FNIP2: variants seen among roughly 807,000 people sequenced by gnomAD.
The protein encoded by FNIP2 is folliculin interacting protein 2, also known as folliculin-interacting protein 2.
In FNIP2, 32 loss-of-function variants were observed where a neutral mutation model predicts 108.7. The ratio of observed to expected loss-of-function variants is 0.29; its 90% CI spans 0.22 to 0.40. The LOEUF is 0.40. FNIP2 is among the 10% of genes least tolerant of loss of function. The probability of loss-of-function intolerance (pLI) is 1.00; values close to 1 mark genes in which losing one functional copy is unlikely to be tolerated. For synonymous variants in FNIP2, 480 were observed against 496.7 expected (o/e 0.97, Z 0.45); for missense variants, 1,202 against 1,381.6 (o/e 0.87, Z 2.06).
In FNIP2 at chr4:158,906,922, A is replaced by G. The variant is rs1340979201; in HGVS notation, c.*2378A>G. ...CAAGAAAGGGACCCCACTTGCTCCC[A>G]TGCCCACCTCAAGAAAAAACATAAA... On this transcript the variant is annotated 3_prime_UTR_variant, in exon 17 of 17. Coordinates refer to ENST00000264433, the MANE Select transcript of FNIP2 (RefSeq NM_020840.3). 3.3e-5 allele frequency: 5 copies of G among 152,356 alleles called. No individual in the cohort carries two copies. Among genetic ancestry groups the G allele is most frequent in the African/African-American group, 1.2e-4 (5 of 41,586 alleles). The allele number at this position is 152,356 out of a possible 1,614,324, so 9.4% of individuals were successfully genotyped here.
chr4:158,890,970 TAAGA>T (rs1782244587), intron 14 of FNIP2, among the ~76,000 whole-genome samples: 1 of 152,156 alleles, frequency 6.6e-6, no homozygotes, highest in Admixed American at 6.6e-5. Context: ...GGGCCTTGTC[TAAGA>T]AAGATCATTC....
At chr4:158,870,576 A>G in intron 14 of FNIP2, 107 bp downstream of exon 14, 2 of 1,390,608 alleles carry the variant, frequency 1.4e-6, no homozygotes, top group South Asian at 2.8e-5. Flanking sequence ...GGGGTTGTTT[A>G]TGGAGATGTG....
chr4:158,867,804 C>A (rs1780668009), intron 12 of FNIP2, among the ~76,000 whole-genome samples: 1 of 152,214 alleles, frequency 6.6e-6, no homozygotes, highest in Non-Finnish European at 1.5e-5. Flanking sequence ...TTTGGGCCAT[C>A]TCATTGGCTG....
intron 10 of FNIP2, among the ~76,000 whole-genome samples, chr4:158,860,977 G>A (rs928453271): frequency 6.6e-6 from 1 of 152,116 alleles, no homozygotes; most frequent in Non-Finnish European, 1.5e-5. Context: ...CTACTTTAAT[G>A]AGGTGTCTAT....
Position 158,904,730 on chromosome 4 carries a change from T to C in FNIP2, c.*186T>C. The C allele has an allele frequency of 1.7e-6, 1 of 582,078 alleles. No individual in the cohort carries two copies. The highest frequency in any genetic ancestry group is 3.1e-6 in the Non-Finnish European group (1 of 327,168). 36.1% of individuals were successfully genotyped at this position (582,078 alleles called of 1,614,324 possible). A position where few individuals can be genotyped will look rare whatever the true frequency, so the allele number is the denominator to read the frequency against. ...ATTGAAGACTTAGGTTTACTTGACA[T>C]AATAGCATTTGTGATTGTCGTGAAC... On this transcript the variant is annotated 3_prime_UTR_variant, in exon 17 of 17. Transcript: ENST00000264433.
intron 3 of FNIP2, 37 bp from the exon 4 acceptor site, chr4:158,831,824 C>T (rs1778501084): frequency 7.5e-7 from 1 of 1,328,964 alleles, no homozygotes; most frequent in African/African-American, 1.4e-5. Flanking sequence ...ATGTCATGTT[C>T]CATGTACTAA....
chr4:158,876,966 T>C (rs1219046279), intron 14 of FNIP2, among the ~76,000 whole-genome samples: 1 of 152,180 alleles, frequency 6.6e-6, no homozygotes, highest in Non-Finnish European at 1.5e-5. Context: ...GTGTCAGAGT[T>C]AGACACATGT....
intron 1 of FNIP2, 28 bp downstream of exon 1, chr4:158,769,347 G>C: frequency 6.9e-7 from 1 of 1,448,980 alleles, no homozygotes. Context: ...GGCAATTCTG[G>C]CGCGGGACCC....
chr4:158,896,847 T>TA (rs1303071584), intron 16 of FNIP2, among the ~76,000 whole-genome samples: 3 of 151,796 alleles, frequency 2.0e-5, no homozygotes, highest in Non-Finnish European at 4.4e-5. Flanking sequence ...ATTAGTTTTT[T>TA]TTTTATTATT....
chr4:158,820,287 A>T (rs960870621), intron 1 of FNIP2, among the ~76,000 whole-genome samples: 3 of 152,218 alleles, frequency 2.0e-5, no homozygotes, highest in Non-Finnish European at 2.9e-5. Flanking sequence ...CTTTTTCCAC[A>T]TGGGGATACC....
intron 1 of FNIP2, among the ~76,000 whole-genome samples, chr4:158,791,174 A>G (rs1357253140): frequency 6.7e-6 from 1 of 150,196 alleles, no homozygotes; most frequent in East Asian, 2.0e-4. Context: ...ATTTTCAGGC[A>G]GTTTTGCTTC....
rs545210470 is a variant in FNIP2, at chr4:158,903,619, C to T, written c.3267-847C>T. On this transcript the variant is annotated intron_variant, in intron 16 of 16. Coordinates refer to ENST00000264433, the MANE Select transcript of FNIP2 (RefSeq NM_020840.3). Reference sequence around the variant, plus strand: ...CATCCTTCCTTTATCCCCTTCCTCCCGTAGTCAGGGCCAGTAGCACTAAAA... The same window carrying T: ...CATCCTTCCTTTATCCCCTTCCTCCTGTAGTCAGGGCCAGTAGCACTAAAA... Among the ~76,000 whole-genome samples the T allele has an allele frequency of 3.0e-4, 46 of 152,264 alleles. 2 individuals carry two copies. In the South Asian group the frequency reaches 8.3e-3, roughly 27 times the overall value.
rs199743144 is a variant in FNIP2, at chr4:158,823,786, C to T, written c.108-2130C>T. ...CAACTCCAGGGTTACCATTTACAAG[C>T]TGAACAACTGAGTTTTGGGGCTGGC... is the stretch of plus-strand genomic sequence containing the variant. On this transcript the variant is annotated intron_variant, in intron 1 of 16. Coordinates refer to ENST00000264433, the MANE Select transcript of FNIP2 (RefSeq NM_020840.3). 2.0e-5 allele frequency among the ~76,000 whole-genome samples: 3 copies of T among 152,304 alleles called. No homozygotes were observed. In the East Asian group the frequency reaches 5.8e-4, roughly 29 times the overall value.
intron 1 of FNIP2, among the ~76,000 whole-genome samples, chr4:158,779,309 C>T (rs1775957751): frequency 2.0e-5 from 3 of 151,956 alleles, no homozygotes; most frequent in Non-Finnish European, 2.9e-5. Flanking sequence ...AACAATTGTC[C>T]AGCAGCAGGG....
chr4:158,832,162 C>T, intron 5 of FNIP2, 24 bp downstream of exon 5: 1 of 1,578,966 alleles, frequency 6.3e-7, no homozygotes, highest in Non-Finnish European at 8.7e-7. Flanking sequence ...TTTGCATTCC[C>T]CACCCCCATT....
chr4:158,842,558 T>C (rs1450792902), intron 7 of FNIP2, among the ~76,000 whole-genome samples: 1 of 152,170 alleles, frequency 6.6e-6, no homozygotes, highest in African/African-American at 2.4e-5. Flanking sequence ...TAGAATAATT[T>C]GACATATAAA....
intron 1 of FNIP2, among the ~76,000 whole-genome samples, chr4:158,815,528 G>C (rs1048570826): frequency 6.6e-6 from 1 of 151,926 alleles, no homozygotes; most frequent in Non-Finnish European, 1.5e-5. Flanking sequence ...GACTACAGGC[G>C]CCCGCCACCA....
chr4:158,770,555 G>A (rs1477161438), intron 1 of FNIP2, among the ~76,000 whole-genome samples: 1 of 151,868 alleles, frequency 6.6e-6, no homozygotes, highest in Non-Finnish European at 1.5e-5. Flanking sequence ...AATTAAACGT[G>A]TGTGTGTGTG....
intron 1 of FNIP2, among the ~76,000 whole-genome samples, chr4:158,807,833 C>T (rs1777052860): frequency 6.6e-6 from 1 of 152,182 alleles, no homozygotes; most frequent in Non-Finnish European, 1.5e-5. Context: ...AGGTCACATG[C>T]TTTTCATTCA....
Sources: allele counts gnomAD v4.1 joint callset (sites outside exome capture counted in the v4.1 genomes callset), GRCh38; gene constraint gnomAD v4.1.1; transcripts MANE v1.5; gene names NCBI Gene and HGNC (gene_info 2026-07-23, HGNC 2026-07-21).